Variants in SPRR2G observed in about 807,000 individuals in gnomAD.
SPRR2G encodes small proline rich protein 2G, also known as small proline-rich protein 2G.
In SPRR2G, 1 loss-of-function variant was observed where a neutral mutation model predicts 0.7. The ratio of observed to expected loss-of-function variants is 1.49; its 90% CI spans 0.53 to 7.06. The LOEUF is 7.06. SPRR2G is among the 30% of genes most tolerant of loss of function. The probability of loss-of-function intolerance (pLI) is 0.14; values close to 1 mark genes in which losing one functional copy is unlikely to be tolerated. For missense variants in SPRR2G, 96 were observed against 88.5 expected, an observed-to-expected ratio of 1.09 and a Z score of -0.34; for synonymous variants, 38 against 33.9, an observed-to-expected ratio of 1.12 and a Z score of -0.42.
the SPRR2G span, among the ~76,000 whole-genome samples, chr1:153,183,995 T>C: frequency 4.2e-3 from 634 of 152,340 alleles, 3 homozygotes; most frequent in African/African-American, 0.015. Context: ...CCATTGCTTG[T>C]TTTCGTCAGG....
upstream of SPRR2G, among the ~76,000 whole-genome samples, chr1:153,151,944 G>GA (rs1218890772): frequency 6.6e-6 from 1 of 152,050 alleles, no homozygotes; most frequent in African/African-American, 2.4e-5. Flanking sequence ...TCCCAACTTG[G>GA]AAAAAACTTG....
the SPRR2G span, among the ~76,000 whole-genome samples, chr1:153,181,653 G>A: frequency 6.6e-6 from 1 of 150,678 alleles, no homozygotes; most frequent in Non-Finnish European, 1.5e-5. Context: ...TCCCACATAT[G>A]ATGGAACAGG....
chr1:153,153,305 GAGTAAATACTATGTT>G (rs199871006), upstream of SPRR2G, among the ~76,000 whole-genome samples: 722 of 152,198 alleles, frequency 4.7e-3, 6 homozygotes, highest in African/African-American at 0.017. Context: ...ATAAATCTGT[GAGTAAATACTATGTT>G]AGCAAACTGG....
upstream of SPRR2G, among the ~76,000 whole-genome samples, chr1:153,152,979 G>T (rs1500935): frequency 0.031 from 4,688 of 152,164 alleles, 237 homozygotes; most frequent in African/African-American, 0.11. Flanking sequence ...TTTTTTTATA[G>T]AGAGAGAAAA....
the SPRR2G span, among the ~76,000 whole-genome samples, chr1:153,166,217 C>A: frequency 6.6e-6 from 1 of 152,090 alleles, no homozygotes; most frequent in Admixed American, 6.5e-5. Flanking sequence ...CAGAGATTTT[C>A]CAAGGACAGT....
chr1:153,172,955 G>A, the SPRR2G span, among the ~76,000 whole-genome samples: 377 of 152,084 alleles, frequency 2.5e-3, 1 homozygote, highest in Non-Finnish European at 3.3e-3. Context: ...ATAGACAGGC[G>A]GACAAACATA....
the SPRR2G span, among the ~76,000 whole-genome samples, chr1:153,198,724 T>A: frequency 6.6e-6 from 1 of 152,196 alleles, no homozygotes; most frequent in Non-Finnish European, 1.5e-5. Context: ...GGTGTTGAAC[T>A]CTGATTTTGT....
the SPRR2G span, among the ~76,000 whole-genome samples, chr1:153,164,083 T>C: frequency 0.014 from 2,184 of 152,350 alleles, 50 homozygotes; most frequent in African/African-American, 0.05. Context: ...TCACACTAAG[T>C]TATGAAATAT....
chr1:153,176,885 G>A, the SPRR2G span, among the ~76,000 whole-genome samples: 2 of 152,288 alleles, frequency 1.3e-5, no homozygotes, highest in South Asian at 2.1e-4. Context: ...AGAACAATGA[G>A]AAAAGTAAAT....
At chr1:153,178,315 T>C in the SPRR2G span, among the ~76,000 whole-genome samples, 2 of 152,188 alleles carry the variant, frequency 1.3e-5, no homozygotes, top group African/African-American at 4.8e-5. Flanking sequence ...TGCTTGTACT[T>C]ATTTTTCTTA....
rs1217128876 is a variant in SPRR2G, at chr1:153,150,112, T to G, written c.-2A>C. 6.2e-7 allele frequency: 1 copy of G among 1,611,788 alleles called. No homozygotes were observed. The highest frequency in any genetic ancestry group is 1.7e-5 in the Admixed American group (1 of 59,998). The stretch of plus-strand genomic sequence containing the variant: ...GCACTGCTGCTGCTGGTAAGACATC[T>G]CTCCTCAGTCTCAGAGAATCTGAAA... On this transcript the variant is annotated 5_prime_UTR_variant, in exon 2 of 2. Transcript: ENST00000368748.
the SPRR2G span, among the ~76,000 whole-genome samples, chr1:153,177,144 A>C: frequency 8.5e-5 from 13 of 152,350 alleles, no homozygotes; most frequent in African/African-American, 3.1e-4. Flanking sequence ...TTTGCTAAAC[A>C]TAGTGTCTTG....
At chr1:153,171,466 A>C in the SPRR2G span, among the ~76,000 whole-genome samples, 1 of 152,184 alleles carries the variant, frequency 6.6e-6, no homozygotes, top group East Asian at 1.9e-4. Context: ...TTTGGGTTAT[A>C]CGGACTTGTG....
the SPRR2G span, among the ~76,000 whole-genome samples, chr1:153,187,272 T>C: frequency 1.3e-5 from 2 of 152,222 alleles, no homozygotes; most frequent in Admixed American, 6.5e-5. Flanking sequence ...AAAGTTCTCC[T>C]CGATAACATC....
the SPRR2G span, among the ~76,000 whole-genome samples, chr1:153,201,071 G>A: frequency 2.0e-4 from 31 of 152,232 alleles, no homozygotes; most frequent in African/African-American, 6.5e-4. Context: ...TAGGCAAGCC[G>A]GGCTTTGACA....
At chr1:153,195,149 G>C in the SPRR2G span, among the ~76,000 whole-genome samples, 250 of 152,178 alleles carry the variant, frequency 1.6e-3, 3 homozygotes, top group African/African-American at 5.5e-3. Context: ...ATGCTAACAG[G>C]AATACCACCA....
At chr1:153,162,867 C>G in the SPRR2G span, among the ~76,000 whole-genome samples, 1 of 152,186 alleles carries the variant, frequency 6.6e-6, no homozygotes, top group South Asian at 2.1e-4. Context: ...CTTACTCAAT[C>G]TTGGGTCCCC....
At chr1:153,177,086 T>C in the SPRR2G span, among the ~76,000 whole-genome samples, 1 of 152,196 alleles carries the variant, frequency 6.6e-6, no homozygotes, top group Non-Finnish European at 1.5e-5. Flanking sequence ...TTTAATATGA[T>C]TTATATACAT....
At chr1:153,188,879 C>T in the SPRR2G span, among the ~76,000 whole-genome samples, 1 of 152,238 alleles carries the variant, frequency 6.6e-6, no homozygotes, top group Non-Finnish European at 1.5e-5. Context: ...AGCACAGTCC[C>T]TCACGGCTTC....
Sources: gnomAD v4.1 joint callset for allele counts (sites outside exome capture counted in the v4.1 genomes callset) on GRCh38, gnomAD v4.1.1 for gene constraint, MANE v1.5 for transcripts, NCBI Gene and HGNC (gene_info 2026-07-23, HGNC 2026-07-21) for gene names.